Variants in CACNA1C observed in about 807,000 individuals in gnomAD.
CACNA1C encodes calcium voltage-gated channel subunit alpha1 C, also known as voltage-dependent L-type calcium channel subunit alpha-1C.
Under a neutral mutation model 229.0 loss-of-function variants are expected in CACNA1C, and 30 were observed. The observed-to-expected ratio is 0.13, with a 90% CI of 0.10 to 0.18. The LOEUF is 0.18. CACNA1C is among the 10% of genes least tolerant of loss of function. The pLI, the probability that CACNA1C is intolerant of heterozygous loss-of-function variation, is 1.00. For synonymous variants in CACNA1C, 1,114 were observed against 1,132.5 expected (o/e 0.98, Z 0.33); for missense variants, 1,658 against 2,845.0 (o/e 0.58, Z 9.49).
chr12:2,312,334 G>T (rs922679893), intron 3 of CACNA1C, among the ~76,000 whole-genome samples: 5 of 152,148 alleles, frequency 3.3e-5, no homozygotes, highest in African/African-American at 7.2e-5. Context: ...TGGGGCAGGC[G>T]TGCGGGTGTG....
At chr12:2,438,343 G>GATGATGGTGGTA (rs1298444889) in intron 3 of CACNA1C, among the ~76,000 whole-genome samples, 1 of 97,010 alleles carries the variant, frequency 1.0e-5, no homozygotes, top group Non-Finnish European at 2.2e-5. Context: ...TGATGATAAT[G>GATGATGGTGGTA]ATGATGGTGG....
intron 29 of CACNA1C, among the ~76,000 whole-genome samples, chr12:2,627,066 C>T (rs555606032): frequency 6.6e-6 from 1 of 152,154 alleles, no homozygotes; most frequent in Non-Finnish European, 1.5e-5. Context: ...TCGCCTCCAC[C>T]CGCCTGGGGT....
chr12:2,153,406 A>G (rs1156317734), intron 3 of CACNA1C, among the ~76,000 whole-genome samples: 1 of 152,190 alleles, frequency 6.6e-6, no homozygotes, highest in East Asian at 1.9e-4. Flanking sequence ...CATCACAACC[A>G]TCCATCTCCA....
chr12:2,185,417 A>G (rs1445582555), intron 3 of CACNA1C, among the ~76,000 whole-genome samples: 3 of 152,170 alleles, frequency 2.0e-5, no homozygotes, highest in Non-Finnish European at 4.4e-5. Context: ...GGTCCCCCCA[A>G]AACTCATGTG....
intron 1 of CACNA1C, among the ~76,000 whole-genome samples, chr12:1,994,161 A>T (rs1262067974): frequency 6.6e-6 from 1 of 152,230 alleles, no homozygotes; most frequent in Non-Finnish European, 1.5e-5. Context: ...ATGTGCATTC[A>T]TCTACCCTTG....
chr12:2,675,041 TG>T (rs2096734834), intron 39 of CACNA1C, among the ~76,000 whole-genome samples: 1 of 152,198 alleles, frequency 6.6e-6, no homozygotes, highest in Non-Finnish European at 1.5e-5. Flanking sequence ...GAGAATCCCC[TG>T]AGATTCCTCC....
At chr12:2,368,218 T>C (rs2097770476) in intron 3 of CACNA1C, among the ~76,000 whole-genome samples, 1 of 152,232 alleles carries the variant, frequency 6.6e-6, no homozygotes, top group Non-Finnish European at 1.5e-5. Flanking sequence ...TTAGTGATGA[T>C]GTCCTGGAAG....
intron 7 of CACNA1C, among the ~76,000 whole-genome samples, chr12:2,501,821 C>T (rs1184844654): frequency 6.6e-6 from 1 of 152,260 alleles, no homozygotes; most frequent in Non-Finnish European, 1.5e-5. Context: ...GTGTCTGACA[C>T]ACAAGGACCT....
In CACNA1C at chr12:2,204,674, T is replaced by C. The variant is rs1174075060; in HGVS notation, c.477+84244T>C. On this transcript the variant is annotated intron_variant, in intron 3 of 46. Transcript: ENST00000399655. Reference sequence around the variant, plus strand: ...TGGATGAAATTGGAAATCATCATTCTCAGTAAACTATCACAAGAACAAAAA... The same window carrying C: ...TGGATGAAATTGGAAATCATCATTCCCAGTAAACTATCACAAGAACAAAAA... 2.0e-5 allele frequency among the ~76,000 whole-genome samples: 3 copies of C among 150,380 alleles called. No individual in the cohort carries two copies. The Admixed American group carries it at 2.0e-4, about 10-fold the overall frequency.
intron 3 of CACNA1C, among the ~76,000 whole-genome samples, chr12:2,313,312 G>A (rs1172864526): frequency 6.6e-6 from 1 of 152,178 alleles, no homozygotes. Context: ...GGCTGAGATG[G>A]TCAAGGTCAT....
At chr12:2,074,770 C>T (rs1156610900) in intron 1 of CACNA1C, among the ~76,000 whole-genome samples, 4 of 152,166 alleles carry the variant, frequency 2.6e-5, no homozygotes, top group Admixed American at 2.6e-4. Context: ...GAAAATAGCC[C>T]ATAGCCATCC....
At chr12:2,394,241 C>G (rs1165281500) in intron 3 of CACNA1C, among the ~76,000 whole-genome samples, 2 of 152,250 alleles carry the variant, frequency 1.3e-5, no homozygotes, top group African/African-American at 2.4e-5. Flanking sequence ...TCCTCCTACT[C>G]CTGATGTGGC....
rs1603473411 is a variant in CACNA1C, at chr12:2,691,053, A to G, written c.6271A>G (p.Asn2091Asp). ...CAGCGGGGGCGCCCCACAGAGCCCC[A>G]ATGGCGCCCTCTTACCCTTTGTGAA... The part of the protein sequence containing the change: ...ILSGGAPQSP[N>D]GALLPFVNCR... The change falls in exon 47 of 47, where the codon AAT becomes GAT. Residue 2091 changes from asparagine to aspartate, a missense_variant. Coordinates refer to ENST00000399655, the MANE Select transcript of CACNA1C (RefSeq NM_000719.7). 6.2e-7 allele frequency: 1 copy of G among 1,607,060 alleles called. No individual in the cohort carries two copies. The highest frequency in any genetic ancestry group is 8.5e-7 in the Non-Finnish European group (1 of 1,177,044).
intron 4 of CACNA1C, among the ~76,000 whole-genome samples, chr12:2,451,619 G>A (rs900009202): frequency 1.6e-4 from 24 of 152,310 alleles, no homozygotes; most frequent in East Asian, 5.8e-4. Flanking sequence ...CAGGGAGGCA[G>A]TGCAGTGGTG....
intron 3 of CACNA1C, among the ~76,000 whole-genome samples, chr12:2,277,340 C>T (rs1293957107): frequency 1.2e-5 from 1 of 80,740 alleles, no homozygotes; most frequent in Non-Finnish European, 2.5e-5. Context: ...AGTAGACAGA[C>T]AGACAGACAG....
At chr12:2,165,867 T>G (rs1044081031) in intron 3 of CACNA1C, among the ~76,000 whole-genome samples, 2 of 152,216 alleles carry the variant, frequency 1.3e-5, no homozygotes, top group Non-Finnish European at 2.9e-5. Flanking sequence ...CAATTGTGTT[T>G]AACTGAGTTT....
chr12:2,386,290 AT>A (rs1007916920), intron 3 of CACNA1C, among the ~76,000 whole-genome samples: 1 of 152,104 alleles, frequency 6.6e-6, no homozygotes, highest in Non-Finnish European at 1.5e-5. Flanking sequence ...TATTTACATG[AT>A]TTTTTTAAAG....
chr12:2,426,439 C>T (rs1221759762), intron 3 of CACNA1C, among the ~76,000 whole-genome samples: 1 of 152,118 alleles, frequency 6.6e-6, no homozygotes, highest in African/African-American at 2.4e-5. Context: ...GCAGTAGATA[C>T]TTCAGGTCTG....
chr12:2,211,778 G>T (rs1204190300), intron 3 of CACNA1C, among the ~76,000 whole-genome samples: 1 of 148,930 alleles, frequency 6.7e-6, no homozygotes, highest in African/African-American at 2.5e-5. Flanking sequence ...GAGTGCAATG[G>T]CATGGTCTCG....
Sources: allele counts gnomAD v4.1 joint callset (sites outside exome capture counted in the v4.1 genomes callset), GRCh38; gene constraint gnomAD v4.1.1; transcripts MANE v1.5; gene names NCBI Gene and HGNC (gene_info 2026-07-23, HGNC 2026-07-21).